Variants in FAM83F observed in about 807,000 individuals in gnomAD.
FAM83F encodes the protein protein FAM83F.
FAM83F carries 45 observed loss-of-function variants against 42.9 expected under a neutral mutation model. The observed-to-expected ratio is 1.05, with a 90% CI of 0.83 to 1.35. The LOEUF (loss-of-function observed/expected upper bound fraction) is 1.35. Ranked by LOEUF, FAM83F falls within the 40% of genes most tolerant of loss-of-function variation. The pLI, the probability that FAM83F is intolerant of heterozygous loss-of-function variation, is 0.00. For synonymous variants in FAM83F, 306 were observed against 298.3 expected, an observed-to-expected ratio of 1.03 and a Z score of -0.27; for missense variants, 617 against 695.9, an observed-to-expected ratio of 0.89 and a Z score of 1.28.
chr22:40,019,099 A>G (rs896042394), intron 1 of FAM83F, 69 bp from the exon 2 acceptor site: 64 of 1,575,108 alleles, frequency 4.1e-5, no homozygotes, highest in Non-Finnish European at 5.2e-5. Flanking sequence ...AGGTGGTACC[A>G]TCTGAGCAGG....
At chr22:40,010,767 A>G (rs182291382) in intron 1 of FAM83F, among the ~76,000 whole-genome samples, 5 of 152,344 alleles carry the variant, frequency 3.3e-5, no homozygotes, top group African/African-American at 4.8e-5. Flanking sequence ...CTCGTGGGAG[A>G]TAAACTATCA....
chr22:39,995,520 C>CA lies in FAM83F; in HGVS notation c.479dup (p.Ala161GlyfsTer14). ...GCAGGTGGTCAGGCAGATGATCCAACAGGCCCAGAAGGTAGGCCCCCGCCT... is the reference window on the plus strand; with the variant it reads ...GCAGGTGGTCAGGCAGATGATCCAACAAGGCCCAGAAGGTAGGCCCCCGCCT... On this transcript the variant is annotated frameshift_variant, in exon 1 of 5. Transcript: ENST00000333407. LOFTEE classifies it high-confidence loss of function. The surrounding 1 kb of genome is among the most constrained non-coding windows in gnomAD (Gnocchi z 4.6). 6.4e-7 allele frequency: 1 copy of CA among 1,568,776 alleles called. No homozygotes were observed. The highest frequency in any genetic ancestry group is 8.7e-7 in the Non-Finnish European group (1 of 1,155,864).
chr22:40,010,686 A>C (rs1601766300), intron 1 of FAM83F, among the ~76,000 whole-genome samples: 1 of 152,374 alleles, frequency 6.6e-6, no homozygotes, highest in Non-Finnish European at 1.5e-5. Flanking sequence ...CCTCAGCGAC[A>C]TGAGTCCACT....
rs1281858614 is a variant in FAM83F at position 40,030,066 on chromosome 22, CCTCTGAA to C, written c.*505_*511del. 6.3e-6 allele frequency: 1 copy of C among 158,402 alleles called. No individual in the cohort carries two copies. Among genetic ancestry groups the C allele is most frequent in the African/African-American group, 2.4e-5 (1 of 41,510 alleles). 9.8% of individuals were successfully genotyped at this position (158,402 alleles called of 1,614,324 possible). ...ATCCCAAGTTCCAGTCTTTCTCTAG[CCTCTGAA>C]CTCCAGATGTAAGGTGCAGCTGGAA... On this transcript the variant is annotated 3_prime_UTR_variant, in exon 5 of 5. Coordinates refer to ENST00000333407, the MANE Select transcript of FAM83F (RefSeq NM_138435.4).
chr22:40,021,731 G>C lies in FAM83F; in HGVS notation c.1221G>C (p.Met407Ile), dbSNP rs774555753. The change falls in exon 4 of 5, where the codon ATG (methionine) becomes ATC (isoleucine). Residue 407 changes from methionine (M) to isoleucine (I), a missense_variant. By Grantham distance (10) the Met-to-Ile change is conservative. Transcript: ENST00000333407. The surrounding 1 kb of genome is among the most constrained non-coding windows in gnomAD (Gnocchi z 8.7). ...AGGATGGCAGGATGGTCTCTCACAT[G>C]CACAGAGACCTGAAGCCCAAATCCC... ...SQKDGRMVSH[M>I]HRDLKPKSRE... The C allele has an allele frequency of 2.5e-6, 4 of 1,613,004 alleles. No individual in the cohort carries two copies. Among genetic ancestry groups the C allele is most frequent in the Admixed American group, 3.3e-5 (2 of 60,016 alleles).
intron 1 of FAM83F, among the ~76,000 whole-genome samples, chr22:40,001,380 C>T (rs1251534975): frequency 6.6e-6 from 1 of 152,102 alleles, no homozygotes; most frequent in Non-Finnish European, 1.5e-5. Flanking sequence ...CATGGCGGCT[C>T]ATGTCCCCAG....
intron 1 of FAM83F, among the ~76,000 whole-genome samples, chr22:40,016,375 G>A (rs1293210820): frequency 1.3e-5 from 2 of 151,768 alleles, no homozygotes; most frequent in Non-Finnish European, 2.9e-5. Flanking sequence ...GCTAATTTTT[G>A]TATTGTAGAG....
At chr22:40,011,842 A>G (rs2067466149) in intron 1 of FAM83F, among the ~76,000 whole-genome samples, 1 of 152,178 alleles carries the variant, frequency 6.6e-6, no homozygotes, top group Non-Finnish European at 1.5e-5. Flanking sequence ...TGGCCCCCAT[A>G]TAGACCTGTG....
rs2067648037 is a variant in FAM83F at position 40,040,978 on chromosome 22, T to C, written c.*11413T>C. ...ATCCCCCCTTCCCCCAGCTTGTGGG[T>C]TATTGCAGAATTGTTCACAAAAATT... is the stretch of plus-strand genomic sequence containing the variant. On this transcript the variant is annotated 3_prime_UTR_variant, in exon 5 of 5. Transcript: ENST00000333407. The C allele has an allele frequency of 2.0e-5, 3 of 152,174 alleles. No homozygotes were observed. In the East Asian group the frequency reaches 5.8e-4, roughly 29 times the overall value. 9.4% of individuals were successfully genotyped at this position (152,174 alleles called of 1,614,324 possible). A position where few individuals can be genotyped will look rare whatever the true frequency, so the allele number is the denominator to read the frequency against.
At position 40,021,602 on chromosome 22, in the gene FAM83F, T is replaced by C. The variant is rs755330657; in HGVS notation, c.1092T>C (p.Gly364=). 3 of 1,580,082 alleles carry C rather than the reference T, an allele frequency of 1.9e-6. No homozygotes were observed. The highest frequency in any genetic ancestry group is 1.7e-6 in the Non-Finnish European group (2 of 1,158,128). The change falls in exon 4 of 5, where the codon GGT becomes GGC. Residue 364 remains glycine (G), a synonymous_variant. Coordinates refer to ENST00000333407, the MANE Select transcript of FAM83F (RefSeq NM_138435.4). The surrounding 1 kb of genome is among the most constrained non-coding windows in gnomAD (Gnocchi z 8.7). ...AGGGGCAGGAGGAGGGCGCCAGCGG[T>C]GGCGAGTCGGCCTGGCGCCTGGAGA... The part of the protein sequence containing the change: ...NPEGQEEGAS[G]GESAWRLESF...
chr22:40,008,123 A>G (rs563019423), intron 1 of FAM83F, among the ~76,000 whole-genome samples: 5 of 152,096 alleles, frequency 3.3e-5, no homozygotes, highest in South Asian at 2.1e-4. Context: ...CTTCCCCTCT[A>G]TTAGTTCAAG....
rs1448071127 is a variant in FAM83F at position 40,038,353 on chromosome 22, C to G, written c.*8788C>G. The G allele has an allele frequency of 6.6e-6, 1 of 152,152 alleles. No individual in the cohort carries two copies. Among genetic ancestry groups the G allele is most frequent in the African/African-American group, 2.4e-5 (1 of 41,408 alleles). 9.4% of individuals were successfully genotyped at this position (152,152 alleles called of 1,614,324 possible). On this transcript the variant is annotated 3_prime_UTR_variant, in exon 5 of 5. Coordinates refer to ENST00000333407, the MANE Select transcript of FAM83F (RefSeq NM_138435.4). ...GGAAAGGTCCAGAGCCTAGACAGAA[C>G]TCTTTTAGGAGAATTATGAGAATCA...
chr22:40,026,037 G>A (rs913569822), intron 4 of FAM83F, among the ~76,000 whole-genome samples: 14 of 152,168 alleles, frequency 9.2e-5, no homozygotes, highest in Non-Finnish European at 1.9e-4. Flanking sequence ...TGGAACTGGC[G>A]TCCTCCTCGC....
chr22:40,022,158 T>C (rs1282986823), intron 4 of FAM83F, among the ~76,000 whole-genome samples, 195 bp downstream of exon 4: 1 of 152,228 alleles, frequency 6.6e-6, no homozygotes, highest in East Asian at 1.9e-4. Flanking sequence ...CCTGGAGGCC[T>C]TGGGCAAGTC....
intron 3 of FAM83F, 88 bp downstream of exon 3, chr22:40,020,096 C>G: frequency 6.6e-7 from 1 of 1,518,832 alleles, no homozygotes; most frequent in Non-Finnish European, 8.8e-7. Flanking sequence ...CCTCCGTCAT[C>G]ATGAGTGTGT....
chr22:40,015,149 G>T (rs989227925), intron 1 of FAM83F, among the ~76,000 whole-genome samples: 11 of 152,152 alleles, frequency 7.2e-5, no homozygotes, highest in African/African-American at 2.7e-4. Context: ...TGGTTCATGG[G>T]ATAATGGAGA....
chr22:39,999,580 C>T (rs2067388068), intron 1 of FAM83F, among the ~76,000 whole-genome samples: 1 of 152,200 alleles, frequency 6.6e-6, no homozygotes, highest in Non-Finnish European at 1.5e-5. Context: ...CAGAGGCTCC[C>T]TCTGAGCTCC....
At chr22:40,013,622 C>T (rs2067478759) in intron 1 of FAM83F, among the ~76,000 whole-genome samples, 1 of 152,120 alleles carries the variant, frequency 6.6e-6, no homozygotes, top group Non-Finnish European at 1.5e-5. Context: ...ATGGATGTAG[C>T]TATTTGTGGA....
chr22:40,002,574 T>A (rs929512545), intron 1 of FAM83F, among the ~76,000 whole-genome samples: 8 of 152,106 alleles, frequency 5.3e-5, no homozygotes, highest in African/African-American at 1.9e-4. Context: ...GGTGGAGGGA[T>A]CCCATGCGGC....
Sources: allele counts gnomAD v4.1 joint callset (sites outside exome capture counted in the v4.1 genomes callset), GRCh38; gene constraint gnomAD v4.1.1; non-coding constraint Gnocchi (gnomAD v3.1); transcripts MANE v1.5; gene names NCBI Gene and HGNC (gene_info 2026-07-23, HGNC 2026-07-21).